PLCB1: variants seen among roughly 807,000 people sequenced by gnomAD.
PLCB1 encodes phospholipase C beta 1, also known as 1-phosphatidylinositol 4,5-bisphosphate phosphodiesterase beta-1.
In PLCB1, 46 loss-of-function variants were observed where a neutral mutation model predicts 161.8. The observed-to-expected ratio is 0.28, with a 90% CI of 0.22 to 0.36. PLCB1 has a LOEUF of 0.36. Among genes scored for constraint, PLCB1 ranks in the 10% least tolerant of loss-of-function variants. The probability of loss-of-function intolerance (pLI) is 1.00; values close to 1 mark genes in which losing one functional copy is unlikely to be tolerated. For missense variants in PLCB1, 1,016 were observed against 1,472.5 expected, an observed-to-expected ratio of 0.69 and a Z score of 5.07; for synonymous variants, 517 against 503.7, an observed-to-expected ratio of 1.03 and a Z score of -0.35.
At chr20:8,855,589 A>G (rs1224749919) in intron 31 of PLCB1, among the ~76,000 whole-genome samples, 1 of 152,228 alleles carries the variant, frequency 6.6e-6, no homozygotes, top group East Asian at 1.9e-4. Context: ...AACTCATCTG[A>G]AGAAAGAATA....
intron 31 of PLCB1, among the ~76,000 whole-genome samples, chr20:8,822,225 A>G (rs888239290): frequency 3.3e-5 from 5 of 152,222 alleles, no homozygotes; most frequent in African/African-American, 1.2e-4. Flanking sequence ...TAGTTGGGCA[A>G]TAGAAGGTTG....
At chr20:8,230,168 A>G (rs568557196) in intron 2 of PLCB1, among the ~76,000 whole-genome samples, 2 of 151,724 alleles carry the variant, frequency 1.3e-5, no homozygotes, top group South Asian at 4.2e-4. Context: ...GGTGACTCCT[A>G]TGTACTTTAA....
intron 3 of PLCB1, among the ~76,000 whole-genome samples, chr20:8,459,067 T>C (rs1981454753): frequency 1.3e-5 from 2 of 152,170 alleles, no homozygotes; most frequent in Non-Finnish European, 2.9e-5. Flanking sequence ...AGGAATCTGA[T>C]TGGTTTGTGG....
intron 3 of PLCB1, among the ~76,000 whole-genome samples, chr20:8,619,924 C>G (rs762757685): frequency 1.4e-4 from 22 of 152,140 alleles, no homozygotes; most frequent in Non-Finnish European, 2.4e-4. Flanking sequence ...ATGTTCTTGT[C>G]TCTATAAGAG....
intron 2 of PLCB1, among the ~76,000 whole-genome samples, chr20:8,184,995 C>T (rs918090270): frequency 3.3e-5 from 5 of 151,850 alleles, no homozygotes; most frequent in East Asian, 1.9e-4. Flanking sequence ...CCTGTGTCCA[C>T]GTGTTCTCAC....
At chr20:8,205,723 G>A (rs1329879320) in intron 2 of PLCB1, among the ~76,000 whole-genome samples, 7 of 152,058 alleles carry the variant, frequency 4.6e-5, no homozygotes, top group African/African-American at 1.4e-4. Context: ...AAACTACACC[G>A]TTAGAGATAC....
chr20:8,149,088 C>T (rs907934307), intron 1 of PLCB1, among the ~76,000 whole-genome samples: 1 of 152,110 alleles, frequency 6.6e-6, no homozygotes, highest in Non-Finnish European at 1.5e-5. Context: ...TATTTTACTG[C>T]AGTAACACAG....
intron 8 of PLCB1, 145 bp downstream of exon 8, chr20:8,657,429 G>C: frequency 1.6e-6 from 1 of 642,848 alleles, no homozygotes; most frequent in Non-Finnish European, 2.8e-6. Context: ...GTTTTGGATA[G>C]GATCACACAA....
At chr20:8,240,455 A>T (rs1225286022) in intron 2 of PLCB1, among the ~76,000 whole-genome samples, 1 of 151,832 alleles carries the variant, frequency 6.6e-6, no homozygotes, top group African/African-American at 2.4e-5. Flanking sequence ...TTTTTATTTG[A>T]TGCACAATAT....
chr20:8,558,500 A>G (rs1986037998), intron 3 of PLCB1, among the ~76,000 whole-genome samples: 1 of 151,698 alleles, frequency 6.6e-6, no homozygotes, highest in African/African-American at 2.4e-5. Flanking sequence ...GAGGAGAGAG[A>G]AAAAAAGGCA....
chr20:8,533,553 A>G (rs6055885), intron 3 of PLCB1, among the ~76,000 whole-genome samples: 96,319 of 150,884 alleles, frequency 0.64, 31,403 homozygotes, highest in African/African-American at 0.77. Context: ...AATGATTGCC[A>G]TTCTAACTGG....
intron 2 of PLCB1, among the ~76,000 whole-genome samples, chr20:8,184,043 G>A (rs1210278578): frequency 2.0e-5 from 3 of 152,038 alleles, no homozygotes; most frequent in Admixed American, 6.6e-5. Flanking sequence ...AAAATTTGAA[G>A]TAATAATAAT....
At chr20:8,473,558 A>G (rs1265595943) in intron 3 of PLCB1, among the ~76,000 whole-genome samples, 2 of 152,192 alleles carry the variant, frequency 1.3e-5, no homozygotes, top group African/African-American at 4.8e-5. Context: ...TGATTTTGAC[A>G]ATCCAGCCTT....
At chr20:8,249,166 T>C (rs961888433) in intron 2 of PLCB1, among the ~76,000 whole-genome samples, 1 of 151,954 alleles carries the variant, frequency 6.6e-6, no homozygotes, top group Non-Finnish European at 1.5e-5. Flanking sequence ...TAAGGAAATG[T>C]AATTTAAAAA....
chr20:8,727,975 T>C (rs1281075893), intron 17 of PLCB1, among the ~76,000 whole-genome samples: 1 of 152,128 alleles, frequency 6.6e-6, no homozygotes, highest in East Asian at 1.9e-4. Flanking sequence ...TAAATTTCTT[T>C]CATAAAATTA....
intron 3 of PLCB1, among the ~76,000 whole-genome samples, chr20:8,413,348 A>G (rs1979125593): frequency 6.6e-6 from 1 of 152,224 alleles, no homozygotes; most frequent in Non-Finnish European, 1.5e-5. Context: ...AACCCTTGTT[A>G]TATGGAGGCT....
chr20:8,152,364 A>G (rs1312173810), intron 2 of PLCB1, among the ~76,000 whole-genome samples: 1 of 152,132 alleles, frequency 6.6e-6, no homozygotes, highest in Non-Finnish European at 1.5e-5. Context: ...CAGCCCTGGA[A>G]CCAGTAAGAG....
chr20:8,348,056 T>C (rs1178214417), intron 2 of PLCB1, among the ~76,000 whole-genome samples: 1 of 152,030 alleles, frequency 6.6e-6, no homozygotes, highest in Non-Finnish European at 1.5e-5. Flanking sequence ...GAGAAAATGA[T>C]TGGGAGTATT....
intron 6 of PLCB1, among the ~76,000 whole-genome samples, chr20:8,648,804 G>T (rs1316111399): frequency 1.3e-5 from 2 of 151,962 alleles, no homozygotes; most frequent in Non-Finnish European, 2.9e-5. Context: ...AGCCAGGTGT[G>T]GTGGCACATG....
Sources: gnomAD v4.1 joint callset for allele counts (sites outside exome capture counted in the v4.1 genomes callset) on GRCh38, gnomAD v4.1.1 for gene constraint, MANE v1.5 for transcripts, NCBI Gene and HGNC (gene_info 2026-07-23, HGNC 2026-07-21) for gene names.